PCDH15: variants seen among roughly 807,000 people sequenced by gnomAD.
The protein encoded by PCDH15 is protocadherin-15.
PCDH15 carries 129 observed loss-of-function variants against 178.5 expected under a neutral mutation model. The ratio of observed to expected loss-of-function variants is 0.72; its 90% CI spans 0.63 to 0.84. PCDH15 has a LOEUF of 0.84. PCDH15 is among the 40% of genes least tolerant of loss of function. The probability of loss-of-function intolerance (pLI) is 0.00; values close to 1 mark genes in which losing one functional copy is unlikely to be tolerated. For synonymous variants in PCDH15, 800 were observed against 732.0 expected (o/e 1.09, Z -1.50); for missense variants, 2,230 against 2,099.9 (o/e 1.06, Z -1.21).
At chr10:55,507,737 A>C in intron 2 of PCDH15, among the ~76,000 whole-genome samples, 1 of 151,626 alleles carries the variant, frequency 6.6e-6, no homozygotes, top group Non-Finnish European at 1.5e-5. Flanking sequence ...ACATCTTAAT[A>C]ACTCAGGGTC....
At chr10:54,177,194 A>G (rs1448536692) in intron 13 of PCDH15, among the ~76,000 whole-genome samples, 1 of 152,152 alleles carries the variant, frequency 6.6e-6, no homozygotes, top group Non-Finnish European at 1.5e-5. Flanking sequence ...TACATACTAT[A>G]TGATTCTAAA....
chr10:54,446,915 T>C (rs1188414855), intron 3 of PCDH15, among the ~76,000 whole-genome samples: 1 of 151,488 alleles, frequency 6.6e-6, no homozygotes, highest in African/African-American at 2.4e-5. Context: ...GCCTATAAGA[T>C]TGTTGCAACT....
intron 21 of PCDH15, among the ~76,000 whole-genome samples, chr10:53,980,885 G>T (rs61304408): frequency 0.084 from 12,761 of 152,046 alleles, 1,546 homozygotes; most frequent in African/African-American, 0.27. Flanking sequence ...CATGATTTAG[G>T]TATCTTTCTA....
At chr10:55,547,526 T>G (rs946197962) in intron 2 of PCDH15, among the ~76,000 whole-genome samples, 1 of 151,922 alleles carries the variant, frequency 6.6e-6, no homozygotes. Flanking sequence ...GAGAGCAAGG[T>G]GAGTAAGGTG....
chr10:54,530,346 G>A (rs1412316563), intron 2 of PCDH15, among the ~76,000 whole-genome samples: 2 of 151,672 alleles, frequency 1.3e-5, no homozygotes, highest in South Asian at 2.1e-4. Flanking sequence ...AATCCTTCTC[G>A]TTGTCATTCT....
At chr10:55,462,870 G>A (rs1338783964) in intron 2 of PCDH15, among the ~76,000 whole-genome samples, 1 of 152,072 alleles carries the variant, frequency 6.6e-6, no homozygotes, top group Non-Finnish European at 1.5e-5. Flanking sequence ...AATATAAAGT[G>A]TGCATCATTT....
chr10:55,034,062 C>G (rs529724529), intron 2 of PCDH15, among the ~76,000 whole-genome samples: 1 of 142,822 alleles, frequency 7.0e-6, no homozygotes, highest in Non-Finnish European at 1.5e-5. Context: ...ACTTCCCAAC[C>G]TTTAGAACTC....
chr10:55,350,821 G>A (rs903448022), intron 2 of PCDH15, among the ~76,000 whole-genome samples: 1 of 151,986 alleles, frequency 6.6e-6, no homozygotes, highest in African/African-American at 2.4e-5. Context: ...ACAGTATTTA[G>A]TAACATGGGA....
intron 6 of PCDH15, among the ~76,000 whole-genome samples, chr10:54,339,316 A>G (rs929702884): frequency 3.3e-5 from 5 of 152,114 alleles, no homozygotes; most frequent in Non-Finnish European, 7.4e-5. Context: ...GAATTAGTTC[A>G]GTGCATTATG....
chr10:55,222,037 T>G (rs1392227090), intron 1 of PCDH15, among the ~76,000 whole-genome samples: 1 of 150,926 alleles, frequency 6.6e-6, no homozygotes, highest in East Asian at 2.0e-4. Context: ...CGGCTAATTT[T>G]TTTTTTTTTT....
intron 3 of PCDH15, among the ~76,000 whole-genome samples, chr10:54,442,112 T>A (rs2075824375): frequency 6.6e-6 from 1 of 151,532 alleles, no homozygotes; most frequent in African/African-American, 2.4e-5. Flanking sequence ...TTTTCCTGCA[T>A]GTCTGCTTCA....
chr10:54,022,915 C>A lies in PCDH15; in HGVS notation c.2503G>T (p.Gly835Trp). The change falls in exon 19 of 38, where the codon GGG becomes TGG. Residue 835 changes from glycine to tryptophan, a missense_variant. Transcript: ENST00000644397. ...TVLVEENLPAGTTILQIEAKD... is the reference protein window; with the variant it reads ...TVLVEENLPAWTTILQIEAKD... ...ACCTCTATTTGAAGGATGGTAGTCC[C>A]AGCTGGCAAATTCTCTTCAACAAGG... The A allele has an allele frequency of 6.2e-7, 1 of 1,613,808 alleles. No individual in the cohort carries two copies. The highest frequency in any genetic ancestry group is 1.1e-5 in the South Asian group (1 of 91,072).
At chr10:54,434,633 C>T (rs1052478535) in intron 3 of PCDH15, among the ~76,000 whole-genome samples, 2 of 152,292 alleles carry the variant, frequency 1.3e-5, no homozygotes. Flanking sequence ...ATCATGTTCA[C>T]ACAATGACAA....
At chr10:54,070,004 C>T (rs1398297411) in intron 17 of PCDH15, among the ~76,000 whole-genome samples, 2 of 152,162 alleles carry the variant, frequency 1.3e-5, no homozygotes, top group Non-Finnish European at 2.9e-5. Context: ...AGTTTGCTCA[C>T]TGATTATTTC....
At chr10:53,991,242 G>A (rs750642464) in intron 21 of PCDH15, among the ~76,000 whole-genome samples, 43 of 152,332 alleles carry the variant, frequency 2.8e-4, no homozygotes, top group South Asian at 8.3e-4. Flanking sequence ...CAGCCCCGGC[G>A]TGGGATCCAC....
At chr10:55,303,106 C>T (rs533012601) in intron 1 of PCDH15, among the ~76,000 whole-genome samples, 3 of 150,080 alleles carry the variant, frequency 2.0e-5, no homozygotes, top group African/African-American at 7.3e-5. Flanking sequence ...TATATATATA[C>T]ACACACACAC....
intron 14 of PCDH15, among the ~76,000 whole-genome samples, chr10:54,139,567 A>G (rs1057270390): frequency 2.6e-5 from 4 of 152,186 alleles, no homozygotes; most frequent in African/African-American, 4.8e-5. Flanking sequence ...CATCTGTAAA[A>G]TGCTAATATC....
In PCDH15 at chr10:55,117,125, C is replaced by T. The variant is rs114079984; in HGVS notation, c.-80+49451G>A. Among the ~76,000 whole-genome samples the T allele has an allele frequency of 5.2e-3, 786 of 152,270 alleles. 5 individuals carry two copies. The highest frequency in any genetic ancestry group is 0.018 in the African/African-American group (758 of 41,558). On this transcript the variant is annotated intron_variant, in intron 2 of 5. Coordinates refer to the PCDH15 transcript ENST00000458638. ...GGTCATGTAAAACTTACACTAAATA[C>T]ATTTGTTATGCTTTTCTCTTGTTAA...
intron 3 of PCDH15, among the ~76,000 whole-genome samples, chr10:54,480,227 T>C (rs1272098052): frequency 1.3e-5 from 2 of 152,054 alleles, no homozygotes; most frequent in African/African-American, 2.4e-5. Flanking sequence ...TAAATACTTA[T>C]TTGTGTAATG....
Sources: allele counts gnomAD v4.1 joint callset (sites outside exome capture counted in the v4.1 genomes callset), GRCh38; gene constraint gnomAD v4.1.1; transcripts MANE v1.5; gene names NCBI Gene and HGNC (gene_info 2026-07-23, HGNC 2026-07-21).